Variants in ANO1 observed in about 807,000 individuals in gnomAD.
ANO1 encodes anoctamin 1, also known as anoctamin-1.
In ANO1, 59 loss-of-function variants were observed where a neutral mutation model predicts 124.0. The observed-to-expected ratio is 0.48, with a 90% confidence interval of 0.39 to 0.59. The LOEUF is 0.59. Ranked by LOEUF, ANO1 falls within the 20% of genes least tolerant of loss-of-function variation. ANO1 has a pLI of 0.00. For synonymous variants in ANO1, 529 were observed against 532.0 expected, an observed-to-expected ratio of 0.99 and a Z score of 0.08; for missense variants, 1,059 against 1,328.0, an observed-to-expected ratio of 0.80 and a Z score of 3.15.
At chr11:70,175,679 A>C (rs1565279817) in intron 22 of ANO1, among the ~76,000 whole-genome samples, 1 of 152,250 alleles carries the variant, frequency 6.6e-6, no homozygotes. Context: ...GCATGTGGGC[A>C]GGAGTGGTGG....
intron 1 of ANO1, among the ~76,000 whole-genome samples, chr11:69,992,587 T>A (rs1259610972): frequency 1.3e-5 from 2 of 152,026 alleles, no homozygotes; most frequent in African/African-American, 4.8e-5. Context: ...ACCAGTTAGG[T>A]ATGGCAGGAT....
intron 1 of ANO1, among the ~76,000 whole-genome samples, chr11:70,030,276 C>A (rs782088846): frequency 4.6e-5 from 7 of 152,344 alleles, no homozygotes; most frequent in Middle Eastern, 3.4e-3. Context: ...CCAGCCAGGG[C>A]TGCTGATGTG....
chr11:70,087,480 C>T (rs1441935301), intron 1 of ANO1, among the ~76,000 whole-genome samples: 1 of 152,200 alleles, frequency 6.6e-6, no homozygotes, highest in Non-Finnish European at 1.5e-5. Context: ...ACCAGGAGGG[C>T]TTCTGGGGGA....
chr11:70,111,667 C>A, intron 6 of ANO1, 40 bp from the exon 7 acceptor site: 1 of 1,607,200 alleles, frequency 6.2e-7, no homozygotes, highest in Non-Finnish European at 8.5e-7. Context: ...AGCGGGAGAC[C>A]CGCCTGCCCC....
intron 8 of ANO1, among the ~76,000 whole-genome samples, chr11:70,120,701 A>G (rs2046225384): frequency 6.6e-6 from 1 of 152,194 alleles, no homozygotes; most frequent in African/African-American, 2.4e-5. Flanking sequence ...GGCAACGGGC[A>G]AGGACATACA....
chr11:70,100,652 A>G (rs2045230065), intron 2 of ANO1, among the ~76,000 whole-genome samples: 1 of 152,208 alleles, frequency 6.6e-6, no homozygotes, highest in Non-Finnish European at 1.5e-5. Flanking sequence ...AGGATCCCGC[A>G]ATGGCCAGCA....
Position 70,161,223 on chromosome 11 carries a change from C to T in ANO1, c.1641C>T (p.Ala547=). The T allele has an allele frequency of 6.2e-7, 1 of 1,613,986 alleles. No individual in the cohort carries two copies. Among genetic ancestry groups the T allele is most frequent in the Non-Finnish European group, 8.5e-7 (1 of 1,179,850 alleles). Reference sequence around the variant, plus strand: ...TCTACAGAATCTCCATGGCCGCCGCCTTGGCCATGAACTCCTCCCCCTCCG... The same window carrying T: ...TCTACAGAATCTCCATGGCCGCCGCTTTGGCCATGAACTCCTCCCCCTCCG... The part of the protein sequence containing the change: ...VIIYRISMAA[A]LAMNSSPSVR... The change falls in exon 17 of 26, where the codon GCC becomes GCT. Residue 547 remains alanine, a synonymous_variant. Transcript: ENST00000355303.
intron 22 of ANO1, among the ~76,000 whole-genome samples, 175 bp downstream of exon 22, chr11:70,171,214 G>A (rs771541253): frequency 6.6e-6 from 1 of 152,258 alleles, no homozygotes; most frequent in Non-Finnish European, 1.5e-5. Context: ...GTGGAGGCTC[G>A]CTTAGCCCTG....
At chr11:70,147,111 G>A (rs1365333848) in intron 11 of ANO1, among the ~76,000 whole-genome samples, 2 of 151,868 alleles carry the variant, frequency 1.3e-5, no homozygotes, top group African/African-American at 2.4e-5. Context: ...TGTGCGTGGA[G>A]CAGCCCTCCC....
chr11:70,133,350 T>A lies in ANO1; in HGVS notation c.1258+1271T>A, dbSNP rs571373899. The stretch of plus-strand genomic sequence containing the variant: ...TGGCATTGCCAAAGCCTTGCCAGCA[T>A]CCTCCATGGAGAGCACCTCGAAGTA... On this transcript the variant is annotated intron_variant, in intron 11 of 25. Coordinates refer to ENST00000355303, the MANE Select transcript of ANO1 (RefSeq NM_018043.7). Among the ~76,000 whole-genome samples, 185 of 152,262 alleles carry A rather than the reference T, an allele frequency of 1.2e-3. 1 individual carries two copies. The highest frequency in any genetic ancestry group is 4.2e-3 in the Admixed American group (65 of 15,298).
chr11:70,136,449 C>CACGCCTGTAATCTCAGGAGACTAA (rs1555036922), intron 11 of ANO1, among the ~76,000 whole-genome samples: 3 of 148,790 alleles, frequency 2.0e-5, no homozygotes, highest in South Asian at 4.5e-4. Context: ...GCACCTCCCT[C>CACGCCTGTAATCTCAGGAGACTAA]GCCTCACCCT....
rs1367676603 is a variant in ANO1, at chr11:70,115,274, G to A, written c.856-1184G>A. On this transcript the variant is annotated intron_variant, in intron 7 of 25. Coordinates refer to ENST00000355303, the MANE Select transcript of ANO1 (RefSeq NM_018043.7). ...TGGTGAGGGGAGAGGGCACTGGACA[G>A]ACCCCCAGGAGCCCCATAGCTTTGT... Among the ~76,000 whole-genome samples, 5 of 152,152 alleles carry A rather than the reference G, an allele frequency of 3.3e-5. No homozygotes were observed. The East Asian group carries it at 9.6e-4, about 29-fold the overall frequency.
the ANO1 span, among the ~76,000 whole-genome samples, chr11:69,975,881 G>A: frequency 9.2e-5 from 14 of 152,190 alleles, no homozygotes; most frequent in Admixed American, 3.9e-4. Flanking sequence ...TGATGGTGTT[G>A]CACACATAGG....
intron 14 of ANO1, 105 bp from the exon 15 acceptor site, chr11:70,155,806 G>A: frequency 1.8e-6 from 2 of 1,084,098 alleles, no homozygotes; most frequent in Non-Finnish European, 2.6e-6. Context: ...GCACCAGGAG[G>A]GGCCAGCCTG....
intron 2 of ANO1, among the ~76,000 whole-genome samples, chr11:70,096,047 G>A (rs957159071): frequency 2.0e-5 from 3 of 152,192 alleles, no homozygotes; most frequent in South Asian, 2.1e-4. Context: ...TGAGTGGGCC[G>A]ATTTCTATCT....
intron 10 of ANO1, among the ~76,000 whole-genome samples, chr11:70,131,284 G>T (rs1046965738): frequency 6.6e-6 from 1 of 151,988 alleles, no homozygotes; most frequent in Non-Finnish European, 1.5e-5. Flanking sequence ...GAAAATGCAG[G>T]TCTTTAGTTC....
chr11:70,070,064 G>C (rs1361936718), intron 1 of ANO1, among the ~76,000 whole-genome samples: 9 of 152,196 alleles, frequency 5.9e-5, no homozygotes, highest in Admixed American at 5.9e-4. Flanking sequence ...AAGACAGGCA[G>C]CCACTGTCTG....
Position 70,187,733 on chromosome 11 carries a change from T to C in ANO1, c.2695-5T>C. On this transcript the variant is annotated splice_polypyrimidine_tract_variant and splice_region_variant and intron_variant, in intron 25 of 25. Transcript: ENST00000355303. The stretch of plus-strand genomic sequence containing the variant: ...CCTTCTGCCACGCGTTGCCTCTCCT[T>C]CCAGAACCTGGTCATGTTCATGAGC... 2 of 1,605,114 alleles carry C rather than the reference T, an allele frequency of 1.2e-6. No homozygotes were observed. The highest frequency in any genetic ancestry group is 2.3e-5 in the South Asian group (2 of 88,836).
chr11:70,184,583 G>T (rs56182087), intron 24 of ANO1, among the ~76,000 whole-genome samples: 3,811 of 152,328 alleles, frequency 0.025, 70 homozygotes, highest in Middle Eastern at 0.037. Context: ...AGGAAAAGCA[G>T]CCCCAGACCC....
Sources: allele counts gnomAD v4.1 joint callset (sites outside exome capture counted in the v4.1 genomes callset), GRCh38; gene constraint gnomAD v4.1.1; transcripts MANE v1.5; gene names NCBI Gene and HGNC (gene_info 2026-07-23, HGNC 2026-07-21).